The following CACNA1C variants were observed in gnomAD, a reference collection of about 807,000 sequenced individuals.
CACNA1C encodes the protein voltage-dependent L-type calcium channel subunit alpha-1C.
Under a neutral mutation model 229.0 loss-of-function variants are expected in CACNA1C, and 30 were observed. That is an observed-to-expected ratio of 0.13 (90% confidence interval 0.10 to 0.18). CACNA1C has a LOEUF of 0.18. Among genes scored for constraint, CACNA1C ranks in the 10% least tolerant of loss-of-function variants. CACNA1C has a pLI of 1.00. For synonymous variants in CACNA1C, 1,114 were observed against 1,132.5 expected (o/e 0.98, Z 0.33); for missense variants, 1,658 against 2,845.0 (o/e 0.58, Z 9.49).
chr12:2,354,469 C>G lies in CACNA1C; in HGVS notation c.478-94507C>G, dbSNP rs1052216795. On this transcript the variant is annotated intron_variant, in intron 3 of 46. Transcript: ENST00000399655. The surrounding 1 kb of genome is among the most constrained non-coding windows in gnomAD (Gnocchi z 4.6). ...GCCTGTAGGGAAACGCCGGGAGGAACAGGAGACTGTTGAGAAGGGGACGGA... is the reference window on the plus strand; with the variant it reads ...GCCTGTAGGGAAACGCCGGGAGGAAGAGGAGACTGTTGAGAAGGGGACGGA... Among the ~76,000 whole-genome samples, 3 of 152,162 alleles carry G rather than the reference C, an allele frequency of 2.0e-5. No individual in the cohort carries two copies. Among genetic ancestry groups the G allele is most frequent in the African/African-American group, 7.2e-5 (3 of 41,434 alleles).
chr12:2,332,549 C>T (rs1400780061), intron 3 of CACNA1C, among the ~76,000 whole-genome samples: 1 of 152,116 alleles, frequency 6.6e-6, no homozygotes, highest in Non-Finnish European at 1.5e-5. Context: ...ACTTTTAGCC[C>T]CATTTCTGCT....
Position 2,493,706 on chromosome 12 carries a change from C to G in CACNA1C, c.1113+320C>G, listed in dbSNP as rs558617636. ...GCACAAGGGTTCCGTTCAACTCCTC[C>G]TCCCATGCAGAGTTCCTTCTGCCCT... On this transcript the variant is annotated intron_variant, in intron 7 of 46. Coordinates refer to ENST00000399655, the MANE Select transcript of CACNA1C (RefSeq NM_000719.7). The surrounding 1 kb of genome is among the most constrained non-coding windows in gnomAD (Gnocchi z 4.6). Among the ~76,000 whole-genome samples, 10 of 152,304 alleles carry G rather than the reference C, an allele frequency of 6.6e-5. No homozygotes were observed. The highest frequency in any genetic ancestry group is 2.4e-4 in the African/African-American group (10 of 41,568).
intron 9 of CACNA1C, among the ~76,000 whole-genome samples, chr12:2,526,841 C>G (rs561480028): frequency 2.0e-5 from 3 of 152,124 alleles, no homozygotes; most frequent in Non-Finnish European, 4.4e-5. Context: ...ACGTCCATTG[C>G]AATTTAGAAT....
intron 3 of CACNA1C, among the ~76,000 whole-genome samples, chr12:2,364,360 T>C (rs1283272660): frequency 1.3e-5 from 2 of 152,124 alleles, no homozygotes; most frequent in Non-Finnish European, 2.9e-5. Context: ...CACACCTTGT[T>C]TGAAAGGTGC....
At chr12:2,000,602 C>A (rs1276321233) in intron 1 of CACNA1C, among the ~76,000 whole-genome samples, 1 of 152,092 alleles carries the variant, frequency 6.6e-6, no homozygotes, top group Non-Finnish European at 1.5e-5. Flanking sequence ...TTTTATTTAG[C>A]ATTACACACA....
In CACNA1C at chr12:2,633,619, C is replaced by G. The variant is rs1602970057; in HGVS notation, c.3829-678C>G. On this transcript the variant is annotated intron_variant, in intron 29 of 46. Transcript: ENST00000399655. The surrounding 1 kb of genome is among the most constrained non-coding windows in gnomAD (Gnocchi z 5.8). ...TTTAATCCCCATCCTGCCTGCCCTC[C>G]CTTATGTAGGGTTACTTTAGTGATC... 6.5e-7 allele frequency: 1 copy of G among 1,539,340 alleles called. No individual in the cohort carries two copies. The highest frequency in any genetic ancestry group is 1.7e-5 in the Admixed American group (1 of 59,904).
upstream of CACNA1C, chr12:2,048,426 C>T (rs2051464068): frequency 6.6e-6 from 1 of 152,206 alleles, no homozygotes; most frequent in Non-Finnish European, 1.5e-5. Flanking sequence ...CCCTTATATA[C>T]AGGCAATTAT....
At chr12:2,260,927 A>C (rs1204111732) in intron 3 of CACNA1C, among the ~76,000 whole-genome samples, 1 of 152,140 alleles carries the variant, frequency 6.6e-6, no homozygotes, top group South Asian at 2.1e-4. Context: ...AAATCAACTT[A>C]ATTCATTAAA....
At chr12:2,114,910 T>G (rs556516757) in intron 1 of CACNA1C, among the ~76,000 whole-genome samples, 1 of 152,350 alleles carries the variant, frequency 6.6e-6, no homozygotes, top group South Asian at 2.1e-4. Flanking sequence ...GGTAATGTGT[T>G]GTGTTGTATC....
chr12:2,685,754 C>A lies in CACNA1C; in HGVS notation c.5592C>A (p.Asp1864Glu). 1 of 1,613,570 alleles carries A rather than the reference C, an allele frequency of 6.2e-7. No individual in the cohort carries two copies. The highest frequency in any genetic ancestry group is 8.5e-7 in the Non-Finnish European group (1 of 1,179,538). Residue 1864 changes from aspartate (D) to glutamate (E), a missense_variant, in exon 44 of 47, where the codon GAC (aspartate) becomes GAA (glutamate). Coordinates refer to ENST00000399655, the MANE Select transcript of CACNA1C (RefSeq NM_000719.7). ...GTTCCAGGCTCTCCTACCAGGATGA[C>A]GAAAATCGGCAACTGACGCTCCCAG... Reference protein sequence around the residue: ...LSTEMLSYQDDENRQLTLPEE... With the variant: ...LSTEMLSYQDEENRQLTLPEE...
At chr12:2,343,443 C>A (rs776482150) in intron 3 of CACNA1C, among the ~76,000 whole-genome samples, 4 of 152,146 alleles carry the variant, frequency 2.6e-5, no homozygotes, top group Non-Finnish European at 5.9e-5. Flanking sequence ...AAACCAAACA[C>A]AAGATGCCCA....
At position 2,273,481 on chromosome 12, in the gene CACNA1C, C is replaced by T. The variant is rs6489356; in HGVS notation, c.477+153051C>T. Among the ~76,000 whole-genome samples, 795 of 152,246 alleles carry T rather than the reference C, an allele frequency of 5.2e-3. 6 individuals carry two copies. The highest frequency in any genetic ancestry group is 0.018 in the African/African-American group (749 of 41,538). ...AGAGAAGAAACTGGACTCCCAGAGCCGGCTCTTTCTGTGGGCTGGGAGCTC... is the reference window on the plus strand; with the variant it reads ...AGAGAAGAAACTGGACTCCCAGAGCTGGCTCTTTCTGTGGGCTGGGAGCTC... On this transcript the variant is annotated intron_variant, in intron 3 of 46. Transcript: ENST00000399655.
Position 2,341,044 on chromosome 12 carries a change from A to G in CACNA1C, c.478-107932A>G, listed in dbSNP as rs2096848305. Among the ~76,000 whole-genome samples the G allele has an allele frequency of 4.6e-5, 7 of 152,172 alleles. No homozygotes were observed. The South Asian group carries it at 1.2e-3, about 27-fold the overall frequency. On this transcript the variant is annotated intron_variant, in intron 3 of 46. Coordinates refer to ENST00000399655, the MANE Select transcript of CACNA1C (RefSeq NM_000719.7). ...TCAACACTCCCTAGGGGGAGTGGACATGAACGTTTTTGCATGTAAGACTTG... is the reference window on the plus strand; with the variant it reads ...TCAACACTCCCTAGGGGGAGTGGACGTGAACGTTTTTGCATGTAAGACTTG...
Position 2,205,534 on chromosome 12 carries a change from T to C in CACNA1C, c.477+85104T>C, listed in dbSNP as rs1042114681. Among the ~76,000 whole-genome samples, 6 of 152,314 alleles carry C rather than the reference T, an allele frequency of 3.9e-5. 1 individual carries two copies. In the South Asian group the frequency reaches 6.2e-4, roughly 16 times the overall value. The stretch of plus-strand genomic sequence containing the variant: ...AAACAATGTGTAATTCTATATTTAT[T>C]TATATGTTTATTATCTGTCACCCCC... On this transcript the variant is annotated intron_variant, in intron 3 of 46. Transcript: ENST00000399655.
intron 1 of CACNA1C, among the ~76,000 whole-genome samples, chr12:2,075,918 C>G (rs768071380): frequency 2.0e-5 from 3 of 152,180 alleles, no homozygotes; most frequent in Non-Finnish European, 4.4e-5. Context: ...TAGAAATAAT[C>G]TCTAGAGACT....
intron 1 of CACNA1C, among the ~76,000 whole-genome samples, chr12:2,106,675 GTCC>G (rs1565722431): frequency 3.8e-5 from 1 of 26,124 alleles, no homozygotes; most frequent in Non-Finnish European, 9.0e-5. Flanking sequence ...CAGCTGGGGC[GTCC>G]TGAAGCCACT....
chr12:2,328,446 G>A (rs1023405019), intron 3 of CACNA1C, among the ~76,000 whole-genome samples: 2 of 152,194 alleles, frequency 1.3e-5, no homozygotes, highest in Non-Finnish European at 2.9e-5. Context: ...ACCCCAGAAT[G>A]GGTGTTAGAA....
rs144426397 is a variant in CACNA1C at position 2,269,348 on chromosome 12, A to T, written c.477+148918A>T. On this transcript the variant is annotated intron_variant, in intron 3 of 46. Transcript: ENST00000399655. ...GTATGTGCTTAAGGGGATGGGCTCAATGAACTTTGAGACTGTCTCTTCTCT... is the reference window on the plus strand; with the variant it reads ...GTATGTGCTTAAGGGGATGGGCTCATTGAACTTTGAGACTGTCTCTTCTCT... Among the ~76,000 whole-genome samples the T allele has an allele frequency of 9.8e-5, 15 of 152,312 alleles. No individual in the cohort carries two copies. The East Asian group carries it at 2.7e-3, about 27-fold the overall frequency.
intron 6 of CACNA1C, among the ~76,000 whole-genome samples, chr12:2,491,126 T>C (rs1173590332): frequency 6.6e-6 from 1 of 152,096 alleles, no homozygotes; most frequent in African/African-American, 2.4e-5. Flanking sequence ...AAGATGGACA[T>C]AAAAAGCCTC....
Sources: allele counts gnomAD v4.1 joint callset (sites outside exome capture counted in the v4.1 genomes callset), GRCh38; gene constraint gnomAD v4.1.1; non-coding constraint Gnocchi (gnomAD v3.1); transcripts MANE v1.5; gene names NCBI Gene and HGNC (gene_info 2026-07-23, HGNC 2026-07-21).